ANGPTL2: variants seen among roughly 807,000 people sequenced by gnomAD.
The protein encoded by ANGPTL2 is angiopoietin like 2.
ANGPTL2 carries 25 observed loss-of-function variants against 52.8 expected under a neutral mutation model. The ratio of observed to expected loss-of-function variants is 0.47; its 90% CI spans 0.35 to 0.66. The LOEUF is 0.66. ANGPTL2 is among the 30% of genes least tolerant of loss of function. The pLI, the probability that ANGPTL2 is intolerant of heterozygous loss-of-function variation, is 0.01. For missense variants in ANGPTL2, 546 were observed against 656.9 expected (o/e 0.83, Z 1.84); for synonymous variants, 276 against 277.4 (o/e 1.00, Z 0.05).
In ANGPTL2 at chr9:127,088,927, G is replaced by C. The variant is rs377418491; in HGVS notation, c.*12C>G. On this transcript the variant is annotated 3_prime_UTR_variant, in exon 5 of 5. Coordinates refer to ENST00000373425, the MANE Select transcript of ANGPTL2 (RefSeq NM_012098.3). ...TGGCAATGGCCACGAGAGGTCAGGA[G>C]GGGGAGCTGGCTTAGTGGAAGGTGT... The C allele has an allele frequency of 4.6e-5, 74 of 1,614,084 alleles. No homozygotes were observed. Among genetic ancestry groups the C allele is most frequent in the East Asian group, 1.3e-4 (6 of 44,898 alleles).
At chr9:127,090,973 C>T (rs1322571531) in intron 4 of ANGPTL2, among the ~76,000 whole-genome samples, 1 of 152,154 alleles carries the variant, frequency 6.6e-6, no homozygotes, top group Non-Finnish European at 1.5e-5. Context: ...TAGTAAAGAC[C>T]TAGATTTGAA....
Position 127,108,172 on chromosome 9 carries a change from G to T in ANGPTL2, c.560C>A (p.Ala187Asp). ...KDLEHKYQHL[A>D]TLAHNQSEII... ...CTCTGATTGGTTGTGGGCCAGTGTG[G>T]CCAGGTGCTGGTACTTGTGCTCCAG... Residue 187 changes from alanine (A) to aspartate (D), a missense_variant, in exon 2 of 5, where the codon GCC (alanine) becomes GAC (aspartate). This residue lies in a region of ANGPTL2 where 285 missense variants were observed against 295.8 expected (regional missense o/e 0.96). Coordinates refer to ENST00000373425, the MANE Select transcript of ANGPTL2 (RefSeq NM_012098.3). 6.2e-7 allele frequency: 1 copy of T among 1,614,082 alleles called. No individual in the cohort carries two copies. Among genetic ancestry groups the T allele is most frequent in the Non-Finnish European group, 8.5e-7 (1 of 1,179,998 alleles).
intron 2 of ANGPTL2, among the ~76,000 whole-genome samples, chr9:127,097,372 A>C (rs2053248304): frequency 1.3e-5 from 2 of 152,246 alleles, no homozygotes; most frequent in South Asian, 4.1e-4. Flanking sequence ...CTGTTACAAA[A>C]AATGTGCATA....
chr9:127,089,767 A>G (rs2052233766), intron 4 of ANGPTL2, among the ~76,000 whole-genome samples: 1 of 152,226 alleles, frequency 6.6e-6, no homozygotes, highest in Non-Finnish European at 1.5e-5. Flanking sequence ...GCTGCCAAGG[A>G]CAAGCAGTTC....
chr9:127,091,117 A>G lies in ANGPTL2; in HGVS notation c.1282+553T>C, dbSNP rs2052414943. On this transcript the variant is annotated intron_variant, in intron 4 of 4. Coordinates refer to ENST00000373425, the MANE Select transcript of ANGPTL2 (RefSeq NM_012098.3). The surrounding 1 kb of genome is among the most constrained non-coding windows in gnomAD (Gnocchi z 4.3). ...AGCCAGTTTGTATGGAGCCCTCGCT[A>G]TGTGCCAAATCCTAGACAAAGCACT... Among the ~76,000 whole-genome samples the G allele has an allele frequency of 6.6e-6, 1 of 152,246 alleles. No homozygotes were observed. Among genetic ancestry groups the G allele is most frequent in the South Asian group, 2.1e-4 (1 of 4,830 alleles).
chr9:127,113,872 CCT>C (rs1170127816), intron 1 of ANGPTL2, among the ~76,000 whole-genome samples: 5 of 152,204 alleles, frequency 3.3e-5, no homozygotes, highest in African/African-American at 1.2e-4. Flanking sequence ...TGTCCGCATC[CCT>C]CTCACCACTG....
At chr9:127,103,774 G>A (rs1242818684) in intron 2 of ANGPTL2, among the ~76,000 whole-genome samples, 2 of 152,226 alleles carry the variant, frequency 1.3e-5, no homozygotes, top group Non-Finnish European at 2.9e-5. Context: ...GTACCAGGAA[G>A]TAGAGCTAGA....
chr9:127,097,250 A>G (rs973115648), intron 2 of ANGPTL2, among the ~76,000 whole-genome samples: 5 of 152,170 alleles, frequency 3.3e-5, no homozygotes, highest in African/African-American at 1.2e-4. Context: ...GTCTGTTATG[A>G]TGTAGAAGAA....
chr9:127,117,106 T>C (rs1402643774), intron 1 of ANGPTL2, among the ~76,000 whole-genome samples: 2 of 152,266 alleles, frequency 1.3e-5, no homozygotes, highest in Admixed American at 6.5e-5. Context: ...TTGCATGTGC[T>C]GTGCTTCCTG....
chr9:127,096,519 G>C (rs921807918), intron 2 of ANGPTL2, among the ~76,000 whole-genome samples: 2 of 152,212 alleles, frequency 1.3e-5, no homozygotes, highest in African/African-American at 4.8e-5. Flanking sequence ...GTAGGGAGAG[G>C]CTGTGGAGGC....
intron 2 of ANGPTL2, 126 bp from the exon 3 acceptor site, chr9:127,094,052 G>T: frequency 9.3e-7 from 1 of 1,073,438 alleles, no homozygotes; most frequent in Non-Finnish European, 1.3e-6. Flanking sequence ...CACGGTCTGA[G>T]GTAACCAATT....
intron 2 of ANGPTL2, among the ~76,000 whole-genome samples, chr9:127,103,747 G>C (rs533574033): frequency 6.6e-6 from 1 of 152,252 alleles, no homozygotes; most frequent in East Asian, 1.9e-4. Context: ...TCATTTTAAG[G>C]AACTGTTTGG....
At chr9:127,120,606 G>A (rs529117780) in intron 1 of ANGPTL2, among the ~76,000 whole-genome samples, 35 of 152,320 alleles carry the variant, frequency 2.3e-4, no homozygotes, top group African/African-American at 7.2e-4. Context: ...GGCGGATCAC[G>A]AGGTCAGGAG....
chr9:127,089,208 G>A, intron 4 of ANGPTL2, 70 bp from the exon 5 acceptor site: 3 of 1,537,170 alleles, frequency 2.0e-6, no homozygotes, highest in Non-Finnish European at 2.7e-6. Flanking sequence ...AGTGCTCAGG[G>A]CTTTCGGCAA....
At chr9:127,098,779 CAG>C (rs2053426722) in intron 2 of ANGPTL2, among the ~76,000 whole-genome samples, 1 of 152,184 alleles carries the variant, frequency 6.6e-6, no homozygotes, top group African/African-American at 2.4e-5. Context: ...ACTCCCAACA[CAG>C]GGCCTTTCTG....
rs1489166318 is a variant in ANGPTL2 at position 127,087,883 on chromosome 9, T to C, written c.*1056A>G. On this transcript the variant is annotated 3_prime_UTR_variant, in exon 5 of 5. Transcript: ENST00000373425. The stretch of plus-strand genomic sequence containing the variant: ...ATAATTCTCCTGGCCAGATAGGTTA[T>C]TATTTGTGTGAAGACTCAAATGACC... 3 of 152,626 alleles carry C rather than the reference T, an allele frequency of 2.0e-5. No individual in the cohort carries two copies. The highest frequency in any genetic ancestry group is 7.2e-5 in the African/African-American group (3 of 41,466). 9.5% of individuals were successfully genotyped at this position (152,626 alleles called of 1,614,324 possible).
chr9:127,089,056 C>A lies in ANGPTL2; in HGVS notation c.1365G>T (p.Gly455=). 1 of 1,614,174 alleles carries A rather than the reference C, an allele frequency of 6.2e-7. No homozygotes were observed. Among genetic ancestry groups the A allele is most frequent in the African/African-American group, 1.3e-5 (1 of 75,028 alleles). The change falls in exon 5 of 5, where the codon GGG becomes GGT. Residue 455 remains glycine (G), a synonymous_variant. Transcript: ENST00000373425. ...CCTGGTAGCGGCTCCGGTAATGGCC[C>A]CCGCGGTACCAGACCCCGTTGAGGT... is the stretch of plus-strand genomic sequence containing the variant. ...HSNLNGVWYR[G]GHYRSRYQDG...
Position 127,108,418 on chromosome 9 carries a change from G to C in ANGPTL2, c.314C>G (p.Thr105Arg). 2 of 1,607,948 alleles carry C rather than the reference G, an allele frequency of 1.2e-6. No homozygotes were observed. The highest frequency in any genetic ancestry group is 1.7e-6 in the Non-Finnish European group (2 of 1,178,526). Residue 105 changes from threonine to arginine, a missense_variant, in exon 2 of 5, where the codon ACG (threonine) becomes AGG (arginine). This residue lies in a region of ANGPTL2 where 285 missense variants were observed against 295.8 expected (regional missense o/e 0.96). Transcript: ENST00000373425. Reference sequence around the variant, plus strand: ...GTCCACCTCCACCAGCTGCTGCAGCGTCTCGATCTGCCGCTTCTGCTTGAG... The same window carrying C: ...GTCCACCTCCACCAGCTGCTGCAGCCTCTCGATCTGCCGCTTCTGCTTGAG... ...ELLKQKRQIE[T>R]LQQLVEVDGG...
At chr9:127,094,002 G>T in intron 2 of ANGPTL2, 76 bp from the exon 3 acceptor site, 4 of 1,522,784 alleles carry the variant, frequency 2.6e-6, no homozygotes, top group Non-Finnish European at 3.6e-6. Context: ...CCCCAAGCAG[G>T]CACAACCTCT....
Sources: allele counts gnomAD v4.1 joint callset (sites outside exome capture counted in the v4.1 genomes callset), GRCh38; gene constraint gnomAD v4.1.1; regional missense constraint gnomAD v4.1.1; non-coding constraint Gnocchi (gnomAD v3.1); transcripts MANE v1.5; gene names NCBI Gene and HGNC (gene_info 2026-07-23, HGNC 2026-07-21).